The following RASGRF1 variants were observed in gnomAD, a reference collection of about 807,000 sequenced individuals.
The protein encoded by RASGRF1 is Ras protein specific guanine nucleotide releasing factor 1.
Under a neutral mutation model 138.7 loss-of-function variants are expected in RASGRF1, and 40 were observed. The ratio of observed to expected loss-of-function variants is 0.29; its 90% CI spans 0.22 to 0.38. RASGRF1 has a LOEUF of 0.38. Among genes scored for constraint, RASGRF1 ranks in the 10% least tolerant of loss-of-function variants. RASGRF1 has a pLI of 1.00. For synonymous variants in RASGRF1, 614 were observed against 663.2 expected, an observed-to-expected ratio of 0.93 and a Z score of 1.14; for missense variants, 1,108 against 1,650.4, an observed-to-expected ratio of 0.67 and a Z score of 5.69.
intron 3 of RASGRF1, among the ~76,000 whole-genome samples, chr15:79,056,222 G>A (rs760091379): frequency 6.6e-6 from 1 of 152,218 alleles, no homozygotes; most frequent in Non-Finnish European, 1.5e-5. Context: ...GGTGGTGCTT[G>A]GGGAAAAGGA....
At chr15:79,014,906 G>C (rs1246449267) in intron 13 of RASGRF1, among the ~76,000 whole-genome samples, 2 of 134,184 alleles carry the variant, frequency 1.5e-5, no homozygotes, top group Non-Finnish European at 3.1e-5. Flanking sequence ...GACAGAGCAA[G>C]ACTTGGTCTC....
chr15:79,019,629 C>T (rs1451714411), intron 11 of RASGRF1, among the ~76,000 whole-genome samples: 2 of 151,868 alleles, frequency 1.3e-5, no homozygotes, highest in Admixed American at 6.6e-5. Flanking sequence ...TGGCTTCCAG[C>T]ACATGGCCCC....
In RASGRF1 at chr15:78,977,739, G is replaced by C. The variant is rs570138550; in HGVS notation, c.3494+2881C>G. On this transcript the variant is annotated intron_variant, in intron 24 of 26. Coordinates refer to ENST00000558480, the MANE Select transcript of RASGRF1 (RefSeq NM_001145648.3). The stretch of plus-strand genomic sequence containing the variant: ...CTGCAGCAGCCTACAATAACAGCCT[G>C]TCCCCCGTGTTCCTCTAAATCAAGG... Among the ~76,000 whole-genome samples, 77 of 152,318 alleles carry C rather than the reference G, an allele frequency of 5.1e-4. 1 individual carries two copies. The highest frequency in any genetic ancestry group is 1.3e-3 in the Admixed American group (20 of 15,296).
chr15:79,045,325 C>T (rs562373214), intron 5 of RASGRF1, among the ~76,000 whole-genome samples: 2 of 152,336 alleles, frequency 1.3e-5, no homozygotes, highest in South Asian at 2.1e-4. Flanking sequence ...ACGTTCTTCA[C>T]ATTTTTCATT....
At chr15:78,989,666 C>T (rs1322669327) in intron 22 of RASGRF1, among the ~76,000 whole-genome samples, 3 of 152,120 alleles carry the variant, frequency 2.0e-5, no homozygotes, top group South Asian at 2.1e-4. Context: ...GTAGCTGAAA[C>T]AGCCAAAACC....
intron 26 of RASGRF1, 62 bp from the exon 27 acceptor site, chr15:78,962,298 G>A: frequency 8.2e-7 from 1 of 1,219,738 alleles, no homozygotes. Flanking sequence ...TACTGATTGT[G>A]GATGCACTTT....
At chr15:79,035,344 C>T (rs736554) in intron 5 of RASGRF1, 134 bp from the exon 6 acceptor site, 509,051 of 649,472 alleles carry the variant, frequency 0.78, 201,104 homozygotes, top group Admixed American at 0.85. Flanking sequence ...GAAAACTGCA[C>T]CGGCAGGATG....
At position 78,995,755 on chromosome 15, in the gene RASGRF1, C is replaced by T; in HGVS notation, c.3012G>A (p.Glu1004=). 1 of 1,614,198 alleles carries T rather than the reference C, an allele frequency of 6.2e-7. No individual in the cohort carries two copies. Among genetic ancestry groups the T allele is most frequent in the Non-Finnish European group, 8.5e-7 (1 of 1,180,030 alleles). Residue 1004 remains glutamate, a synonymous_variant, in exon 20 of 27, where the codon GAG becomes GAA. Coordinates refer to ENST00000558480, the MANE Select transcript of RASGRF1 (RefSeq NM_001145648.3). The stretch of plus-strand genomic sequence containing the variant: ...CCCAGCTCACCATCTGCGTGATCTC[C>T]TCCAGCGTGATCTGGTTGTCACCTG... ...EDPGDNQITL[E]EITQMAEGVK...
intron 8 of RASGRF1, among the ~76,000 whole-genome samples, chr15:79,030,728 C>T (rs74027009): frequency 0.025 from 3,843 of 152,334 alleles, 50 homozygotes; most frequent in South Asian, 0.044. Context: ...CACATCAAAT[C>T]CATCAGAAAA....
chr15:78,964,277 C>T (rs1019058824), intron 26 of RASGRF1, among the ~76,000 whole-genome samples: 5 of 151,940 alleles, frequency 3.3e-5, no homozygotes, highest in Non-Finnish European at 5.9e-5. Flanking sequence ...CGAGTTCAAG[C>T]GATTCTTCTG....
chr15:79,015,633 A>G (rs986914214), intron 12 of RASGRF1, among the ~76,000 whole-genome samples: 2 of 152,238 alleles, frequency 1.3e-5, no homozygotes, highest in African/African-American at 4.8e-5. Flanking sequence ...ACTTGACCTC[A>G]AGTCTTAGTT....
Position 78,997,558 on chromosome 15 carries a change from C to A in RASGRF1, c.2966+538G>T, listed in dbSNP as rs182087426. ...GACCAGCCTGGCCAACATGGTGAAACCCCGTCTCTACTAAAAATACAAAAA... is the reference window on the plus strand; with the variant it reads ...GACCAGCCTGGCCAACATGGTGAAAACCCGTCTCTACTAAAAATACAAAAA... On this transcript the variant is annotated intron_variant, in intron 19 of 26. Coordinates refer to ENST00000558480, the MANE Select transcript of RASGRF1 (RefSeq NM_001145648.3). Among the ~76,000 whole-genome samples the A allele has an allele frequency of 4.1e-3, 622 of 151,990 alleles. 2 individuals carry two copies. The Middle Eastern group carries it at 0.044, about 11-fold the overall frequency.
At chr15:78,997,232 C>T (rs1441939244) in intron 19 of RASGRF1, among the ~76,000 whole-genome samples, 1 of 152,180 alleles carries the variant, frequency 6.6e-6, no homozygotes, top group Non-Finnish European at 1.5e-5. Flanking sequence ...AACAACTTAA[C>T]TGAATTCAAT....
chr15:78,980,213 GA>G (rs2055991223), intron 24 of RASGRF1: 1 of 156,228 alleles, frequency 6.4e-6, no homozygotes, highest in African/African-American at 2.4e-5. Context: ...CAAACATTTT[GA>G]TGATGAATTC....
chr15:79,031,161 G>A (rs2057130510), intron 8 of RASGRF1, among the ~76,000 whole-genome samples: 1 of 152,134 alleles, frequency 6.6e-6, no homozygotes. Context: ...GCCCTCCCTC[G>A]GGCCCTATCT....
At position 79,032,449 on chromosome 15, in the gene RASGRF1, CT is replaced by C. The variant is rs2057154944; in HGVS notation, c.959-134del. On this transcript the variant is annotated intron_variant, in intron 6 of 26. Coordinates refer to ENST00000558480, the MANE Select transcript of RASGRF1 (RefSeq NM_001145648.3). This position sits in a 1 kb window ranked among gnomAD's most constrained non-coding sequence, Gnocchi z 4.5. ...CAAGTTCCCCACCCCAGAGACATCTCTGCTCTTGGGGATGACTCCAGTACCA... is the reference window on the plus strand; with the variant it reads ...CAAGTTCCCCACCCCAGAGACATCTCGCTCTTGGGGATGACTCCAGTACCA... 1 of 819,990 alleles carries C rather than the reference CT, an allele frequency of 1.2e-6. No homozygotes were observed. The highest frequency in any genetic ancestry group is 2.5e-5 in the Admixed American group (1 of 39,746). The allele number at this position is 819,990 out of a possible 1,614,324, so 50.8% of individuals were successfully genotyped here.
intron 6 of RASGRF1, among the ~76,000 whole-genome samples, chr15:79,033,581 CTTT>C (rs71148586): frequency 2.1e-5 from 2 of 93,954 alleles, no homozygotes; most frequent in African/African-American, 4.4e-5. Context: ...TTTTTCTTTT[CTTT>C]TTTTTTTTTT....
chr15:78,984,633 CGATGGAAGGGTCCTCT>C (rs1316225557), intron 23 of RASGRF1: 1 of 283,162 alleles, frequency 3.5e-6, no homozygotes, highest in Admixed American at 4.5e-5. Context: ...AAGGGTCCTC[CGATGGAAGGGTCCTCT>C]GATGGAAGGG....
chr15:78,963,964 A>C (rs2055595073), intron 26 of RASGRF1, among the ~76,000 whole-genome samples: 1 of 152,056 alleles, frequency 6.6e-6, no homozygotes, highest in Admixed American at 6.5e-5. Flanking sequence ...CAGGAAACTG[A>C]TTAGTTTCCT....
Sources: gnomAD v4.1 joint callset for allele counts (sites outside exome capture counted in the v4.1 genomes callset) on GRCh38, gnomAD v4.1.1 for gene constraint, Gnocchi (gnomAD v3.1) non-coding constraint, MANE v1.5 for transcripts, NCBI Gene and HGNC (gene_info 2026-07-23, HGNC 2026-07-21) for gene names.